The following MTUS2 variants were observed in gnomAD, a reference collection of about 807,000 sequenced individuals.
MTUS2 encodes the protein microtubule-associated tumor suppressor candidate 2.
Under a neutral mutation model 114.1 loss-of-function variants are expected in MTUS2, and 40 were observed. The ratio of observed to expected loss-of-function variants is 0.35; its 90% confidence interval spans 0.27 to 0.46. MTUS2 has a LOEUF of 0.46. MTUS2 is among the 20% of genes least tolerant of loss of function. The pLI is 1.00. For synonymous variants in MTUS2, 688 were observed against 672.0 expected, an observed-to-expected ratio of 1.02 and a Z score of -0.37; for missense variants, 1,679 against 1,705.4, an observed-to-expected ratio of 0.98 and a Z score of 0.27.
At chr13:28,946,091 A>G (rs529908173) in intron 2 of MTUS2, among the ~76,000 whole-genome samples, 1 of 152,336 alleles carries the variant, frequency 6.6e-6, no homozygotes, top group South Asian at 2.1e-4. Context: ...ATATAGTTTA[A>G]TATAACAATG....
At chr13:29,051,888 A>G (rs1359767096) in intron 4 of MTUS2, among the ~76,000 whole-genome samples, 1 of 152,210 alleles carries the variant, frequency 6.6e-6, no homozygotes, top group African/African-American at 2.4e-5. Context: ...AAATGGCCAG[A>G]CAAGACTTGG....
At chr13:29,178,917 G>A (rs9508305) in intron 5 of MTUS2, among the ~76,000 whole-genome samples, 112,526 of 152,010 alleles carry the variant, frequency 0.74, 41,745 homozygotes, top group East Asian at 0.8. Context: ...GAATTTAAAT[G>A]AAGTAGGGCT....
chr13:29,390,869 G>GCC (rs1263463022), intron 8 of MTUS2, among the ~76,000 whole-genome samples: 1 of 149,938 alleles, frequency 6.7e-6, no homozygotes, highest in African/African-American at 2.5e-5. Flanking sequence ...TGCAACCTCT[G>GCC]CCTCCCAGGT....
At chr13:29,138,820 A>G (rs1309948880) in intron 5 of MTUS2, among the ~76,000 whole-genome samples, 2 of 152,182 alleles carry the variant, frequency 1.3e-5, no homozygotes, top group Admixed American at 6.5e-5. Flanking sequence ...TTTGCTGAAA[A>G]TGAGCCACCA....
intron 6 of MTUS2, among the ~76,000 whole-genome samples, chr13:29,289,425 T>G (rs1898616933): frequency 6.6e-6 from 1 of 152,140 alleles, no homozygotes; most frequent in Non-Finnish European, 1.5e-5. Context: ...GTTCTGAGAA[T>G]TAACATAAAT....
intron 1 of MTUS2, among the ~76,000 whole-genome samples, chr13:28,837,137 T>A (rs1875142776): frequency 6.6e-6 from 1 of 152,214 alleles, no homozygotes; most frequent in Non-Finnish European, 1.5e-5. Flanking sequence ...CTAGCTCCTG[T>A]TCTTCATTGT....
At chr13:29,110,440 C>A in intron 5 of MTUS2, among the ~76,000 whole-genome samples, 1 of 152,168 alleles carries the variant, frequency 6.6e-6, no homozygotes, top group Non-Finnish European at 1.5e-5. Flanking sequence ...CTAAAATAAG[C>A]TTCTGATTTC....
intron 4 of MTUS2, among the ~76,000 whole-genome samples, chr13:29,069,688 G>A (rs1476017284): frequency 6.6e-6 from 1 of 152,192 alleles, no homozygotes; most frequent in African/African-American, 2.4e-5. Context: ...AAAAAGCAAG[G>A]AAAAGCAGCT....
chr13:29,004,608 C>G (rs1451049830), intron 2 of MTUS2, among the ~76,000 whole-genome samples: 3 of 152,164 alleles, frequency 2.0e-5, no homozygotes, highest in Non-Finnish European at 2.9e-5. Flanking sequence ...CTATGTGTAT[C>G]ATCAGAAGTT....
At chr13:29,031,559 TCTA>T (rs1886832790) in intron 3 of MTUS2, among the ~76,000 whole-genome samples, 2 of 151,848 alleles carry the variant, frequency 1.3e-5, no homozygotes, top group Admixed American at 6.6e-5. Flanking sequence ...CTGAAGGTGA[TCTA>T]CTAGCAGAAT....
At chr13:29,390,200 A>G (rs889254735) in intron 8 of MTUS2, among the ~76,000 whole-genome samples, 123 of 150,848 alleles carry the variant, frequency 8.2e-4, no homozygotes, top group African/African-American at 2.7e-3. Context: ...ATTTTTTCTA[A>G]TGGAGTGAAA....
intron 1 of MTUS2, among the ~76,000 whole-genome samples, chr13:28,838,219 GA>G (rs1280629687): frequency 6.6e-6 from 1 of 152,184 alleles, no homozygotes; most frequent in Non-Finnish European, 1.5e-5. Flanking sequence ...TAGTGGGAGG[GA>G]AAATTATTTA....
intron 8 of MTUS2, among the ~76,000 whole-genome samples, chr13:29,429,879 C>T (rs1876858449): frequency 6.6e-6 from 1 of 152,116 alleles, no homozygotes; most frequent in African/African-American, 2.4e-5. Flanking sequence ...TCTTAGTTAC[C>T]AGTCTGCTTA....
chr13:28,919,133 CTA>C (rs1426935962), intron 2 of MTUS2, among the ~76,000 whole-genome samples: 2 of 152,022 alleles, frequency 1.3e-5, no homozygotes, highest in Admixed American at 1.3e-4. Context: ...TTAAAATATT[CTA>C]TGTTTTTCTG....
At chr13:29,120,187 A>G (rs1891248354) in intron 5 of MTUS2, among the ~76,000 whole-genome samples, 2 of 152,136 alleles carry the variant, frequency 1.3e-5, no homozygotes, top group Non-Finnish European at 2.9e-5. Context: ...TGAGGTCAAA[A>G]TCACAAATTG....
chr13:29,007,060 A>G (rs553180639), intron 2 of MTUS2, among the ~76,000 whole-genome samples: 62 of 152,306 alleles, frequency 4.1e-4, no homozygotes, highest in Middle Eastern at 3.4e-3. Context: ...GTTCCTAGAC[A>G]TCCAATACAG....
Position 29,292,848 on chromosome 13 carries a change from C to G in MTUS2, c.2806+10983C>G, listed in dbSNP as rs375939538. Among the ~76,000 whole-genome samples, 49 of 151,964 alleles carry G rather than the reference C, an allele frequency of 3.2e-4. No homozygotes were observed. In the East Asian group the frequency reaches 4.1e-3, roughly 13 times the overall value. On this transcript the variant is annotated intron_variant, in intron 6 of 15. Coordinates refer to ENST00000612955, the MANE Select transcript of MTUS2 (RefSeq NM_001033602.4). ...CAAAACTAGGCTTAGAGCTTCTTGGCTAAAGGTAGAAGAAGAAACACACTC... is the reference window on the plus strand; with the variant it reads ...CAAAACTAGGCTTAGAGCTTCTTGGGTAAAGGTAGAAGAAGAAACACACTC...
intron 9 of MTUS2, among the ~76,000 whole-genome samples, chr13:29,479,074 A>G (rs1411987125): frequency 6.6e-6 from 1 of 152,192 alleles, no homozygotes; most frequent in Non-Finnish European, 1.5e-5. Context: ...GCAACCTTGG[A>G]TGCATATTCC....
rs983526108 is a variant in MTUS2 at position 29,371,227 on chromosome 13, C to G, written c.3117+11754C>G. On this transcript the variant is annotated intron_variant, in intron 8 of 15. Coordinates refer to ENST00000612955, the MANE Select transcript of MTUS2 (RefSeq NM_001033602.4). ...TATCTTCACATTAACCACCCCCCCC[C>G]CCTTTTTTGAGATGGAGTCTCGCTC... Among the ~76,000 whole-genome samples, 86 of 149,424 alleles carry G rather than the reference C, an allele frequency of 5.8e-4. No homozygotes were observed. In the East Asian group the frequency reaches 6.9e-3, roughly 12 times the overall value.
Sources: allele counts gnomAD v4.1 joint callset (sites outside exome capture counted in the v4.1 genomes callset), GRCh38; gene constraint gnomAD v4.1.1; transcripts MANE v1.5; gene names NCBI Gene and HGNC (gene_info 2026-07-23, HGNC 2026-07-21).